The following MGRN1 variants were observed in gnomAD, a reference collection of about 807,000 sequenced individuals.
MGRN1 encodes the protein mahogunin ring finger 1.
In MGRN1, 29 loss-of-function variants were observed where a neutral mutation model predicts 69.2. The observed-to-expected ratio is 0.42, with a 90% CI of 0.31 to 0.57. MGRN1 has a LOEUF of 0.57. MGRN1 is among the 20% of genes least tolerant of loss of function. The pLI, the probability that MGRN1 is intolerant of heterozygous loss-of-function variation, is 0.15. For missense variants in MGRN1, 998 were observed against 796.2 expected, an observed-to-expected ratio of 1.25 and a Z score of -3.05; for synonymous variants, 470 against 344.2, an observed-to-expected ratio of 1.37 and a Z score of -4.04.
intron 1 of MGRN1, among the ~76,000 whole-genome samples, chr16:4,640,972 G>A (rs1453926739): frequency 1.3e-5 from 2 of 152,210 alleles, no homozygotes; most frequent in Non-Finnish European, 2.9e-5. Flanking sequence ...CTTGGGGCCA[G>A]CGGGAAAGGG....
At chr16:4,683,734 C>G in intron 15 of MGRN1, 109 bp from the exon 16 acceptor site, 1 of 914,358 alleles carries the variant, frequency 1.1e-6, no homozygotes, top group Non-Finnish European at 1.7e-6. Context: ...CCTGGGGTCC[C>G]CACAGTGGCT....
At chr16:4,625,238 C>T (rs1022922404) in intron 1 of MGRN1, among the ~76,000 whole-genome samples, 190 bp downstream of exon 1, 13 of 152,266 alleles carry the variant, frequency 8.5e-5, no homozygotes, top group South Asian at 2.1e-4. Flanking sequence ...GGAACCTGCC[C>T]GAGCCGTACC....
At chr16:4,628,975 T>G (rs1383415137) in intron 1 of MGRN1, among the ~76,000 whole-genome samples, 1 of 152,180 alleles carries the variant, frequency 6.6e-6, no homozygotes, top group Non-Finnish European at 1.5e-5. Flanking sequence ...TAGCTGGGAT[T>G]ATAGGCACTG....
intron 14 of MGRN1, 66 bp from the exon 15 acceptor site, chr16:4,683,158 C>G: frequency 6.3e-7 from 1 of 1,591,996 alleles, no homozygotes; most frequent in Non-Finnish European, 8.6e-7. Flanking sequence ...TGCCTGATGG[C>G]GGCTTGTCCT....
At chr16:4,653,285 G>T (rs1043046542) in intron 4 of MGRN1, among the ~76,000 whole-genome samples, 2 of 152,180 alleles carry the variant, frequency 1.3e-5, no homozygotes, top group Non-Finnish European at 1.5e-5. Flanking sequence ...GAGGTTCACA[G>T]GGTGAGGTGT....
chr16:4,673,552 G>A lies in MGRN1; in HGVS notation c.850G>A (p.Asp284Asn), dbSNP rs778303104. The A allele has an allele frequency of 6.8e-6, 11 of 1,613,742 alleles. No homozygotes were observed. The highest frequency in any genetic ancestry group is 1.1e-5 in the South Asian group (1 of 91,078). Reference protein sequence around the residue: ...NSNECVVCLSDLRDTLILPCR... With the variant: ...NSNECVVCLSNLRDTLILPCR... ...CAACGAGTGTGTGGTGTGCCTGTCC[G>A]ACCTGCGGGACACGCTGATCCTGCC... The change falls in exon 10 of 17, where the codon GAC becomes AAC. Residue 284 changes from aspartate (D) to asparagine (N), a missense_variant. Transcript: ENST00000262370.
intron 1 of MGRN1, among the ~76,000 whole-genome samples, chr16:4,632,092 C>G (rs143824639): frequency 1.4e-5 from 2 of 142,558 alleles, no homozygotes; most frequent in Non-Finnish European, 3.0e-5. Context: ...TTGACTCACT[C>G]CAACCTCTGC....
At chr16:4,664,846 G>T (rs2078764093) in intron 6 of MGRN1, 71 bp downstream of exon 6, 3 of 1,578,910 alleles carry the variant, frequency 1.9e-6, no homozygotes, top group Admixed American at 3.3e-5. Flanking sequence ...TGAGGGAGGA[G>T]TGCTTGCAGC....
chr16:4,629,728 A>C (rs1897898252), intron 1 of MGRN1, among the ~76,000 whole-genome samples: 1 of 145,072 alleles, frequency 6.9e-6, no homozygotes. Flanking sequence ...AAAGAGCGAG[A>C]CACCGTCTCA....
intron 1 of MGRN1, among the ~76,000 whole-genome samples, chr16:4,647,519 C>G (rs1362604555): frequency 6.6e-6 from 1 of 152,252 alleles, no homozygotes; most frequent in African/African-American, 2.4e-5. Flanking sequence ...CTCGTCTGCT[C>G]TGCACCAATT....
At chr16:4,686,409 G>GTCCGCA (rs2079320269) in intron 16 of MGRN1, 1 of 1,471,994 alleles carries the variant, frequency 6.8e-7, no homozygotes, top group East Asian at 2.6e-5. Context: ...TTGGGTCTTC[G>GTCCGCA]TCCGCATCCG....
At chr16:4,632,486 C>T (rs8062345) in intron 1 of MGRN1, among the ~76,000 whole-genome samples, 26,175 of 151,438 alleles carry the variant, frequency 0.17, 2,415 homozygotes, top group Middle Eastern at 0.28. Flanking sequence ...CTCTGCCTCC[C>T]GGGTTCACGC....
chr16:4,644,249 C>A (rs1023716984), intron 1 of MGRN1, among the ~76,000 whole-genome samples: 1 of 151,848 alleles, frequency 6.6e-6, no homozygotes, highest in Non-Finnish European at 1.5e-5. Flanking sequence ...CCCTCAGCCT[C>A]CCAAAGTGCT....
At chr16:4,651,564 T>C (rs377359732) in intron 2 of MGRN1, among the ~76,000 whole-genome samples, 2 of 151,378 alleles carry the variant, frequency 1.3e-5, no homozygotes, top group South Asian at 2.1e-4. Context: ...CAGTAAACTT[T>C]GGGGGCCCTG....
In MGRN1 at chr16:4,624,866, T is replaced by G; in HGVS notation, c.-95T>G. 1 of 1,068,224 alleles carries G rather than the reference T, an allele frequency of 9.4e-7. No homozygotes were observed. Among genetic ancestry groups the G allele is most frequent in the Non-Finnish European group, 1.3e-6 (1 of 792,702 alleles). 66.2% of individuals were successfully genotyped at this position (1,068,224 alleles called of 1,614,324 possible). A position where few individuals can be genotyped will look rare whatever the true frequency, so the allele number is the denominator to read the frequency against. ...CTCCGCGGCCGTGGACGAGCGTCCG[T>G]GCGGCCTGGTCCGGGCCATGTCCGC... On this transcript the variant is annotated 5_prime_UTR_variant, in exon 1 of 17. Transcript: ENST00000262370.
At chr16:4,657,831 T>C (rs1002988502) in intron 5 of MGRN1, among the ~76,000 whole-genome samples, 4 of 141,654 alleles carry the variant, frequency 2.8e-5, no homozygotes, top group African/African-American at 5.3e-5. Context: ...CTACAACCTC[T>C]GCCTCCTGGG....
At position 4,682,875 on chromosome 16, in the gene MGRN1, T is replaced by C; in HGVS notation, c.1411T>C (p.Ser471Pro). The change falls in exon 14 of 17, where the codon TCC (serine) becomes CCC (proline). Residue 471 changes from serine (S) to proline (P), a missense_variant. By Grantham distance (74) the Ser-to-Pro change is moderately conservative. Transcript: ENST00000262370. ...CCACGAAGAGGATGAGGAGAAGCTC[T>C]CCGAGGACGTGGACGCCCCTCCCCC... ...PIHEEDEEKL[S>P]EDVDAPPPLG... is the part of the protein sequence containing the mutation. The C allele has an allele frequency of 6.2e-7, 1 of 1,610,040 alleles. No homozygotes were observed. Among genetic ancestry groups the C allele is most frequent in the African/African-American group, 1.3e-5 (1 of 74,938 alleles).
intron 7 of MGRN1, 32 bp from the exon 8 acceptor site, chr16:4,668,233 C>T: frequency 1.9e-6 from 3 of 1,606,330 alleles, no homozygotes; most frequent in South Asian, 1.1e-5. Flanking sequence ...CCAGCTTGAC[C>T]ACCTTAACCT....
chr16:4,650,698 A>G (rs942064160), intron 2 of MGRN1: 13 of 429,672 alleles, frequency 3.0e-5, no homozygotes, highest in Middle Eastern at 6.1e-4. Context: ...GGCCAGGGGC[A>G]GGTCACTGAG....
Sources: allele counts gnomAD v4.1 joint callset (sites outside exome capture counted in the v4.1 genomes callset), GRCh38; gene constraint gnomAD v4.1.1; transcripts MANE v1.5; gene names NCBI Gene and HGNC (gene_info 2026-07-23, HGNC 2026-07-21).